Variants in DYNC2H1 observed in about 807,000 individuals in gnomAD.
DYNC2H1 encodes the protein cytoplasmic dynein 2 heavy chain 1.
Under a neutral mutation model 570.0 loss-of-function variants are expected in DYNC2H1, and 410 were observed. The ratio of observed to expected loss-of-function variants is 0.72; its 90% confidence interval spans 0.66 to 0.78. The LOEUF is 0.78. DYNC2H1 is among the 30% of genes least tolerant of loss of function. DYNC2H1 has a pLI of 0.00. For synonymous variants in DYNC2H1, 1,688 were observed against 1,677.6 expected, an observed-to-expected ratio of 1.01 and a Z score of -0.15; for missense variants, 4,865 against 5,046.4, an observed-to-expected ratio of 0.96 and a Z score of 1.09.
intron 83 of DYNC2H1, among the ~76,000 whole-genome samples, chr11:103,367,113 GAAT>G (rs1480750775): frequency 1.3e-5 from 2 of 152,054 alleles, no homozygotes; most frequent in South Asian, 2.1e-4. Context: ...TCTCTGGGAA[GAAT>G]AATAATCATT....
chr11:103,476,314 C>T (rs1010365909), intron 88 of DYNC2H1, among the ~76,000 whole-genome samples: 1 of 152,060 alleles, frequency 6.6e-6, no homozygotes, highest in Non-Finnish European at 1.5e-5. Flanking sequence ...GTTAACATAT[C>T]CCAGAGTAGC....
At chr11:103,386,940 G>C (rs1941907746) in intron 83 of DYNC2H1, among the ~76,000 whole-genome samples, 1 of 151,594 alleles carries the variant, frequency 6.6e-6, no homozygotes, top group Admixed American at 6.6e-5. Context: ...TTGCTATTGT[G>C]AATAGTGCAG....
At position 103,201,256 on chromosome 11, in the gene DYNC2H1, C is replaced by A. The variant is rs1862708168; in HGVS notation, c.8197+1102C>A. Among the ~76,000 whole-genome samples the A allele has an allele frequency of 6.6e-6, 1 of 152,112 alleles. No individual in the cohort carries two copies. ...AGGACTATCTTAATACAAATACTCT[C>A]TAGAAATTTATGGCTAAGTGGGCTC... On this transcript the variant is annotated intron_variant, in intron 50 of 88. Coordinates refer to ENST00000375735, the MANE Select transcript of DYNC2H1 (RefSeq NM_001377.3). The surrounding 1 kb of genome is among the most constrained non-coding windows in gnomAD (Gnocchi z 4.8).
chr11:103,379,215 C>A (rs1374468761), intron 83 of DYNC2H1, among the ~76,000 whole-genome samples: 1 of 152,200 alleles, frequency 6.6e-6, no homozygotes, highest in Non-Finnish European at 1.5e-5. Flanking sequence ...TTACCATGTT[C>A]TCTCCTCCTG....
At position 103,187,587 on chromosome 11, in the gene DYNC2H1, G is replaced by A. The variant is rs757301333; in HGVS notation, c.7140+1G>A. On this transcript the variant is annotated splice_donor_variant, in intron 43 of 88. Coordinates refer to ENST00000375735, the MANE Select transcript of DYNC2H1 (RefSeq NM_001377.3). LOFTEE classifies it high-confidence loss of function. ...TACTTTGGTAGCATTCCTACAACAG[G>A]TAAGTCATATTGCTTGAAGTGTTTT... The A allele has an allele frequency of 1.6e-5, 26 of 1,612,336 alleles. No homozygotes were observed. The highest frequency in any genetic ancestry group is 2.2e-5 in the Non-Finnish European group (26 of 1,179,084).
At chr11:103,234,249 A>G (rs1244800636) in intron 61 of DYNC2H1, 89 bp downstream of exon 61, 1 of 1,420,326 alleles carries the variant, frequency 7.0e-7, no homozygotes, top group African/African-American at 1.4e-5. Context: ...GGAGAGAAAG[A>G]TCCATTAATT....
Position 103,261,863 on chromosome 11 carries a change from AGAAGTAGGCTTCAGAAGGT to A in DYNC2H1, c.10695+1888_10695+1906del, listed in dbSNP as rs1016418086. 6.6e-6 allele frequency among the ~76,000 whole-genome samples: 1 copy of A among 152,204 alleles called. No homozygotes were observed. Among genetic ancestry groups the A allele is most frequent in the African/African-American group, 2.4e-5 (1 of 41,424 alleles). ...CGGAGAATGAGTTTGATGAACTGAC[AGAAGTAGGCTTCAGAAGGT>A]GGGTAATAACAGACTCCTCCAAGCT... is the stretch of plus-strand genomic sequence containing the variant. On this transcript the variant is annotated intron_variant, in intron 70 of 88. Transcript: ENST00000375735. This position sits in a 1 kb window ranked among gnomAD's most constrained non-coding sequence, Gnocchi z 4.8.
In DYNC2H1 at chr11:103,154,814, G is replaced by C; in HGVS notation, c.3573+5G>C. ...TCAGAGGTTGACAAATATAAAGTAAGATTGTTTTATTATTTTGCCAATTAA... is the reference window on the plus strand; with the variant it reads ...TCAGAGGTTGACAAATATAAAGTAACATTGTTTTATTATTTTGCCAATTAA... On this transcript the variant is annotated splice_donor_5th_base_variant and intron_variant, in intron 24 of 88. Transcript: ENST00000375735. 1 of 1,530,044 alleles carries C rather than the reference G, an allele frequency of 6.5e-7. No individual in the cohort carries two copies. The highest frequency in any genetic ancestry group is 8.8e-7 in the Non-Finnish European group (1 of 1,138,136). The allele number at this position is 1,530,044 out of a possible 1,614,324, so 94.8% of individuals were successfully genotyped here.
rs1860538302 is a variant in DYNC2H1, at chr11:103,151,516, T to C, written c.2947-620T>C. ...ACAGATATTAATTATAGGATACTGT[T>C]GTTTTACAGAGCTTTAAAAGCCTTA... On this transcript the variant is annotated intron_variant, in intron 20 of 88. Transcript: ENST00000375735. This position sits in a 1 kb window ranked among gnomAD's most constrained non-coding sequence, Gnocchi z 4.6. Among the ~76,000 whole-genome samples the C allele has an allele frequency of 6.6e-6, 1 of 152,182 alleles. No homozygotes were observed. The highest frequency in any genetic ancestry group is 1.5e-5 in the Non-Finnish European group (1 of 68,034).
chr11:103,470,605 C>A lies in DYNC2H1; in HGVS notation c.12765+1900C>A, dbSNP rs192028113. 6.8e-3 allele frequency among the ~76,000 whole-genome samples: 1,030 copies of A among 152,224 alleles called. 9 individuals are homozygous for A. Among genetic ancestry groups the A allele is most frequent in the Non-Finnish European group, 0.011 (763 of 68,014 alleles). Reference sequence around the variant, plus strand: ...AACAGTCCCTAGAGTGTGATGTTCCCCTTCCTGTGTCCATGTGTTCTCATT... The same window carrying A: ...AACAGTCCCTAGAGTGTGATGTTCCACTTCCTGTGTCCATGTGTTCTCATT... On this transcript the variant is annotated intron_variant, in intron 88 of 88. Transcript: ENST00000375735.
Position 103,267,966 on chromosome 11 carries a change from T to C in DYNC2H1, c.10695+7989T>C, listed in dbSNP as rs989654436. 2.1e-4 allele frequency among the ~76,000 whole-genome samples: 32 copies of C among 152,120 alleles called. 1 individual carries two copies. The highest frequency in any genetic ancestry group is 2.9e-5 in the Non-Finnish European group (2 of 67,946). On this transcript the variant is annotated intron_variant, in intron 70 of 88. Coordinates refer to ENST00000375735, the MANE Select transcript of DYNC2H1 (RefSeq NM_001377.3). ...TGTGTGCTATTTTATAATATGACCA[T>C]GTACTACTTCATCTACTACTCTCAG...
intron 84 of DYNC2H1, among the ~76,000 whole-genome samples, chr11:103,425,315 A>C (rs577540553): frequency 6.6e-6 from 1 of 152,126 alleles, no homozygotes; most frequent in Non-Finnish European, 1.5e-5. Flanking sequence ...TATTTCTTAC[A>C]GTTCTGAAGG....
At chr11:103,436,518 G>T (rs1196976821) in intron 85 of DYNC2H1, among the ~76,000 whole-genome samples, 3 of 144,004 alleles carry the variant, frequency 2.1e-5, no homozygotes, top group Non-Finnish European at 4.5e-5. Context: ...TGCAAACAAG[G>T]TACCTTTGTG....
chr11:103,292,942 G>A (rs7128981), intron 75 of DYNC2H1, among the ~76,000 whole-genome samples: 25,042 of 152,058 alleles, frequency 0.16, 2,215 homozygotes, highest in Admixed American at 0.25. Context: ...TAGCGACACA[G>A]GAATGCCTAA....
intron 82 of DYNC2H1, among the ~76,000 whole-genome samples, chr11:103,329,551 A>G (rs1478473436): frequency 6.6e-6 from 1 of 152,170 alleles, no homozygotes; most frequent in Non-Finnish European, 1.5e-5. Flanking sequence ...TTAAAGGCAA[A>G]ATGTAAGTAA....
At position 103,419,504 on chromosome 11, in the gene DYNC2H1, C is replaced by G. The variant is rs181435816; in HGVS notation, c.12367-16439C>G. Among the ~76,000 whole-genome samples the G allele has an allele frequency of 2.6e-4, 39 of 151,904 alleles. 1 individual carries two copies. The highest frequency in any genetic ancestry group is 2.2e-3 in the Admixed American group (33 of 15,236). On this transcript the variant is annotated intron_variant, in intron 84 of 88. Transcript: ENST00000375735. ...CCAGATACAGGAAAAATCAAGGCAA[C>G]TAGGGTCTAGAGTGGACCCCCAGCA...
chr11:103,242,037 A>C (rs1388726942), intron 63 of DYNC2H1, among the ~76,000 whole-genome samples: 1 of 151,954 alleles, frequency 6.6e-6, no homozygotes, highest in Non-Finnish European at 1.5e-5. Context: ...TTCTTATTAG[A>C]TATACAGTGT....
Position 103,181,738 on chromosome 11 carries a change from T to C in DYNC2H1, c.6348-19T>C. On this transcript the variant is annotated intron_variant, in intron 39 of 88. Transcript: ENST00000375735. This position sits in a 1 kb window ranked among gnomAD's most constrained non-coding sequence, Gnocchi z 5.0. ...TAATTTCTTCCTAAGTAATTTTTTA[T>C]TTGTCTAAACTGTTTCAGTGATGAA... 4.0e-6 allele frequency: 6 copies of C among 1,518,774 alleles called. No individual in the cohort carries two copies. The highest frequency in any genetic ancestry group is 5.3e-6 in the Non-Finnish European group (6 of 1,135,912). The allele number at this position is 1,518,774 out of a possible 1,614,324, so 94.1% of individuals were successfully genotyped here.
At position 103,163,162 on chromosome 11, in the gene DYNC2H1, G is replaced by A. The variant is rs1460765042; in HGVS notation, c.4611+15G>A. 4 of 1,604,468 alleles carry A rather than the reference G, an allele frequency of 2.5e-6. No homozygotes were observed. The highest frequency in any genetic ancestry group is 1.7e-5 in the Admixed American group (1 of 59,404). Reference sequence around the variant, plus strand: ...TCCCTTCACAGGTAAGGGGGCTTACGTGTAGAAGCTACATAGGCATGGAAC... The same window carrying A: ...TCCCTTCACAGGTAAGGGGGCTTACATGTAGAAGCTACATAGGCATGGAAC... On this transcript the variant is annotated intron_variant, in intron 30 of 88. Coordinates refer to ENST00000375735, the MANE Select transcript of DYNC2H1 (RefSeq NM_001377.3). The surrounding 1 kb of genome is among the most constrained non-coding windows in gnomAD (Gnocchi z 4.6).
Sources: gnomAD v4.1 joint callset for allele counts (sites outside exome capture counted in the v4.1 genomes callset) on GRCh38, gnomAD v4.1.1 for gene constraint, Gnocchi (gnomAD v3.1) non-coding constraint, MANE v1.5 for transcripts, NCBI Gene and HGNC (gene_info 2026-07-23, HGNC 2026-07-21) for gene names.